The following PPP1R9A variants were observed in gnomAD, a reference collection of about 807,000 sequenced individuals.
The protein encoded by PPP1R9A is protein phosphatase 1 regulatory subunit 9A, also known as neurabin-1.
A neutral mutation model predicts 141.9 loss-of-function variants in PPP1R9A; 59 were observed. The observed-to-expected ratio is 0.42, with a 90% CI of 0.34 to 0.52. PPP1R9A has a LOEUF of 0.52. PPP1R9A is among the 20% of genes least tolerant of loss of function. The pLI, the probability that PPP1R9A is intolerant of heterozygous loss-of-function variation, is 0.10. For synonymous variants in PPP1R9A, 500 were observed against 569.7 expected (o/e 0.88, Z 1.74); for missense variants, 1,444 against 1,611.9 (o/e 0.90, Z 1.78).
intron 2 of PPP1R9A, among the ~76,000 whole-genome samples, chr7:94,995,171 G>A (rs1335026788): frequency 6.6e-6 from 1 of 151,560 alleles, no homozygotes; most frequent in Non-Finnish European, 1.5e-5. Context: ...TTATCTTCTT[G>A]CTGTCATTGT....
intron 5 of PPP1R9A, among the ~76,000 whole-genome samples, chr7:95,180,409 G>T (rs1037332586): frequency 6.6e-6 from 1 of 151,540 alleles, no homozygotes; most frequent in African/African-American, 2.4e-5. Flanking sequence ...AGAGCCAAAA[G>T]TATAAGAATT....
intron 4 of PPP1R9A, among the ~76,000 whole-genome samples, chr7:95,134,240 T>C (rs997008891): frequency 1.8e-4 from 27 of 152,116 alleles, no homozygotes; most frequent in Non-Finnish European, 5.9e-5. Flanking sequence ...ACACCACATG[T>C]TCTCACTTTT....
chr7:95,162,911 T>G (rs752406739), intron 5 of PPP1R9A, among the ~76,000 whole-genome samples: 2 of 152,216 alleles, frequency 1.3e-5, no homozygotes, highest in Non-Finnish European at 2.9e-5. Context: ...TTACCTAAAC[T>G]ACTTCTGTGG....
At chr7:95,219,944 A>C (rs12537799) in intron 7 of PPP1R9A, among the ~76,000 whole-genome samples, 19,666 of 152,106 alleles carry the variant, frequency 0.13, 1,409 homozygotes, top group East Asian at 0.17. Context: ...TGGTGAAAAC[A>C]ATCATAATCA....
intron 2 of PPP1R9A, among the ~76,000 whole-genome samples, chr7:95,059,183 T>A (rs1055917261): frequency 5.9e-5 from 9 of 152,174 alleles, no homozygotes; most frequent in African/African-American, 2.2e-4. Context: ...TTTTTCACTA[T>A]TTTATCTTTA....
chr7:95,197,327 A>G (rs1184659488), intron 5 of PPP1R9A, among the ~76,000 whole-genome samples: 1 of 152,250 alleles, frequency 6.6e-6, no homozygotes, highest in Admixed American at 6.5e-5. Context: ...AAAAATGAAT[A>G]TTAAATTGTT....
intron 4 of PPP1R9A, among the ~76,000 whole-genome samples, chr7:95,146,037 A>G (rs1336701719): frequency 6.6e-6 from 1 of 152,172 alleles, no homozygotes; most frequent in Non-Finnish European, 1.5e-5. Context: ...GCTAGGTCAA[A>G]TGGCATTTCT....
At chr7:95,282,438 G>A (rs1804440491) in intron 16 of PPP1R9A, among the ~76,000 whole-genome samples, 1 of 152,188 alleles carries the variant, frequency 6.6e-6, no homozygotes, top group South Asian at 2.1e-4. Flanking sequence ...AGGCTAAGTG[G>A]AAGAGGGGGA....
chr7:95,047,989 A>G (rs1260623294), intron 2 of PPP1R9A, among the ~76,000 whole-genome samples: 2 of 152,222 alleles, frequency 1.3e-5, no homozygotes, highest in Admixed American at 6.5e-5. Flanking sequence ...TAAGACTTTA[A>G]TTATACTTTC....
At chr7:95,068,473 G>GGAAA (rs1554491161) in intron 2 of PPP1R9A, among the ~76,000 whole-genome samples, 3 of 94,238 alleles carry the variant, frequency 3.2e-5, no homozygotes, top group African/African-American at 1.2e-4. Flanking sequence ...CTTGTCTCAA[G>GGAAA]AAAAAAAAAA....
intron 2 of PPP1R9A, among the ~76,000 whole-genome samples, chr7:95,013,013 G>A (rs1213953191): frequency 6.6e-6 from 1 of 152,104 alleles, no homozygotes; most frequent in Non-Finnish European, 1.5e-5. Context: ...GAAGAGTTGG[G>A]AAGTTTTTGT....
intron 2 of PPP1R9A, among the ~76,000 whole-genome samples, chr7:94,968,326 C>G (rs1436336135): frequency 2.0e-5 from 3 of 151,958 alleles, no homozygotes; most frequent in African/African-American, 4.8e-5. Context: ...GCGCCCGCCA[C>G]TACGCCCGGC....
intron 2 of PPP1R9A, among the ~76,000 whole-genome samples, chr7:94,977,964 T>C (rs765162861): frequency 6.6e-6 from 1 of 151,712 alleles, no homozygotes; most frequent in Non-Finnish European, 1.5e-5. Flanking sequence ...GATTTCACCA[T>C]ATTGGCCAGG....
rs192280441 is a variant in PPP1R9A, at chr7:95,258,913, C to T, written c.2665+6783C>T. Reference sequence around the variant, plus strand: ...TAGAAGATGTGAAAATCCTATGGCCCGACAAATTTACTTCGATGTGTATAT... The same window carrying T: ...TAGAAGATGTGAAAATCCTATGGCCTGACAAATTTACTTCGATGTGTATAT... On this transcript the variant is annotated intron_variant, in intron 12 of 19. Transcript: ENST00000433360. Among the ~76,000 whole-genome samples the T allele has an allele frequency of 1.9e-3, 284 of 152,162 alleles. 1 individual carries two copies. The highest frequency in any genetic ancestry group is 6.5e-3 in the African/African-American group (268 of 41,512).
chr7:95,267,766 T>A (rs1801528680), intron 12 of PPP1R9A, among the ~76,000 whole-genome samples: 1 of 152,144 alleles, frequency 6.6e-6, no homozygotes, highest in Non-Finnish European at 1.5e-5. Context: ...AGAGAAGGTA[T>A]TCACAGAGAT....
At chr7:95,196,424 AT>A (rs907291501) in intron 5 of PPP1R9A, among the ~76,000 whole-genome samples, 2 of 152,222 alleles carry the variant, frequency 1.3e-5, no homozygotes, top group East Asian at 3.8e-4. Context: ...CAATTTCTTT[AT>A]AAGTTAATTA....
chr7:95,217,518 T>C (rs1793658594), intron 7 of PPP1R9A, among the ~76,000 whole-genome samples: 3 of 152,184 alleles, frequency 2.0e-5, no homozygotes, highest in Admixed American at 2.0e-4. Context: ...TCTTTTTCTA[T>C]TGATTGGAAT....
At chr7:95,222,176 C>T (rs757564124) in intron 7 of PPP1R9A, among the ~76,000 whole-genome samples, 2 of 151,930 alleles carry the variant, frequency 1.3e-5, no homozygotes, top group African/African-American at 4.8e-5. Context: ...TGTTTAAAGC[C>T]GTGGAAGGTG....
chr7:95,218,058 A>T (rs1402020958), intron 7 of PPP1R9A, among the ~76,000 whole-genome samples: 1 of 151,850 alleles, frequency 6.6e-6, no homozygotes, highest in East Asian at 1.9e-4. Context: ...TTTAATTGTG[A>T]TGTTAGGGTG....
Sources: allele counts gnomAD v4.1 joint callset (sites outside exome capture counted in the v4.1 genomes callset), GRCh38; gene constraint gnomAD v4.1.1; transcripts MANE v1.5; gene names NCBI Gene and HGNC (gene_info 2026-07-23, HGNC 2026-07-21).